Variants in PLAC1 observed in about 807,000 individuals in gnomAD.
The protein encoded by PLAC1 is placenta-specific protein 1.
For missense variants in PLAC1, 136 were observed against 163.2 expected (o/e 0.83, Z 0.91); for synonymous variants, 68 against 62.1 (o/e 1.09, Z -0.44).
Position 134,679,370 on chromosome X carries a change from A to G in PLAC1, n.174+54065T>C, listed in dbSNP as rs2078486180. Among the ~76,000 whole-genome samples the G allele has an allele frequency of 2.7e-5, 3 of 110,862 alleles. No homozygotes were observed. The South Asian group carries it at 1.2e-3, about 43-fold the overall frequency. ...GTCTAGAGCTCCACATCTGGAAGCC[A>G]TCAGCCACGGGGTTGGATGATATCA... On this transcript the variant is annotated intron_variant and non_coding_transcript_variant, in intron 2 of 2. Coordinates refer to the PLAC1 transcript ENST00000466797.
rs189445911 is a variant in PLAC1, at chrX:134,686,255, C to T, written n.174+47180G>A. Among the ~76,000 whole-genome samples the T allele has an allele frequency of 2.2e-4, 25 of 111,240 alleles. 1 individual carries two copies. Among genetic ancestry groups the T allele is most frequent in the Admixed American group, 2.1e-3 (22 of 10,473 alleles). On this transcript the variant is annotated intron_variant and non_coding_transcript_variant, in intron 2 of 2. Transcript: ENST00000466797. ...ATGCAACTAAGTGTGAGAAGAGATG[C>T]GTTTGGAATTCTCTTTCAGTTCTGT...
intron 1 of PLAC1, chrX:134,651,334 G>T: frequency 5.7e-6 from 1 of 176,429 alleles, no homozygotes; most frequent in East Asian, 1.4e-4. Context: ...TGGCACACAA[G>T]GTTGAAACTT....
At chrX:134,672,283 C>T (rs1475653684) in intron 2 of PLAC1, among the ~76,000 whole-genome samples, 2 of 111,043 alleles carry the variant, frequency 1.8e-5, no homozygotes, top group East Asian at 2.8e-4. Context: ...GGTCCCCTGA[C>T]AAATTCCAAG....
intron 2 of PLAC1, among the ~76,000 whole-genome samples, chrX:134,569,994 T>TC: frequency 9.1e-6 from 1 of 110,280 alleles, no homozygotes; most frequent in African/African-American, 3.3e-5. Flanking sequence ...CATGCCCTGC[T>TC]AATTTTTGTA....
intron 1 of PLAC1, among the ~76,000 whole-genome samples, chrX:134,637,943 G>A (rs748109830): frequency 8.9e-6 from 1 of 112,248 alleles, no homozygotes; most frequent in East Asian, 2.8e-4. Context: ...AACACAGCAG[G>A]TGCTCAATAA....
intron 2 of PLAC1, among the ~76,000 whole-genome samples, chrX:134,666,429 G>A (rs771891433): frequency 6.4e-5 from 7 of 109,904 alleles, no homozygotes; most frequent in African/African-American, 1.3e-4. Flanking sequence ...TTTTTCCTTC[G>A]AGAAAAAAAA....
intron 1 of PLAC1, among the ~76,000 whole-genome samples, chrX:134,751,753 G>A (rs1030871150): frequency 1.8e-5 from 2 of 111,247 alleles, no homozygotes; most frequent in African/African-American, 3.3e-5. Flanking sequence ...GCAAAAGCCC[G>A]GTCCTCTGCT....
intron 2 of PLAC1, among the ~76,000 whole-genome samples, chrX:134,719,065 G>C (rs2078650746): frequency 8.9e-6 from 1 of 112,162 alleles, no homozygotes; most frequent in South Asian, 3.7e-4. Context: ...ACAGGAAGCA[G>C]ATTAGTGGTT....
At chrX:134,734,511 G>A (rs1470727581) in intron 1 of PLAC1, among the ~76,000 whole-genome samples, 2 of 112,055 alleles carry the variant, frequency 1.8e-5, no homozygotes, top group African/African-American at 6.5e-5. Flanking sequence ...GGCATACAGG[G>A]GCCTTATTCA....
chrX:134,583,533 C>G (rs986092016), intron 2 of PLAC1, among the ~76,000 whole-genome samples: 1 of 109,182 alleles, frequency 9.2e-6, no homozygotes, highest in Non-Finnish European at 1.9e-5. Context: ...TGGGTAAGTC[C>G]CTTCCCTCTC....
intron 2 of PLAC1, among the ~76,000 whole-genome samples, chrX:134,690,827 A>T (rs2078533654): frequency 9.7e-6 from 1 of 103,194 alleles, no homozygotes; most frequent in Non-Finnish European, 2.0e-5. Context: ...CTTTAGTCCC[A>T]GCTATTCAGG....
rs185900552 is a variant in PLAC1 at position 134,733,966 on chromosome X, T to C, written n.90-447A>G. Among the ~76,000 whole-genome samples, 18 of 111,894 alleles carry C rather than the reference T, an allele frequency of 1.6e-4. No individual in the cohort carries two copies. The East Asian group carries it at 5.1e-3, about 31-fold the overall frequency. ...ACCCTGTCTGTTTAGTGGCCTCACC[T>C]CTGGGGAATAAATCTCTTGTCTTCA... is the stretch of plus-strand genomic sequence containing the variant. On this transcript the variant is annotated intron_variant and non_coding_transcript_variant, in intron 1 of 2. Transcript: ENST00000466797.
chrX:134,711,737 A>C (rs2147834050), intron 2 of PLAC1, among the ~76,000 whole-genome samples: 1 of 111,809 alleles, frequency 8.9e-6, no homozygotes, highest in African/African-American at 3.2e-5. Flanking sequence ...GTACATCTGC[A>C]TGTCAGCAGC....
intron 2 of PLAC1, among the ~76,000 whole-genome samples, chrX:134,667,096 C>T (rs760035414): frequency 5.4e-5 from 6 of 111,972 alleles, no homozygotes; most frequent in Admixed American, 9.5e-5. Context: ...AATAAACATA[C>T]GTGTAAATCT....
At chrX:134,704,581 T>C (rs1480139628) in intron 2 of PLAC1, among the ~76,000 whole-genome samples, 1 of 105,046 alleles carries the variant, frequency 9.5e-6, no homozygotes, top group African/African-American at 3.4e-5. Context: ...AATCTAAGCA[T>C]AACAGAAATC....
intron 2 of PLAC1, among the ~76,000 whole-genome samples, chrX:134,726,113 T>A (rs1297510407): frequency 8.9e-6 from 1 of 111,977 alleles, no homozygotes; most frequent in African/African-American, 3.2e-5. Flanking sequence ...AAGCTATTTT[T>A]CCGTCTTAGA....
chrX:134,655,033 A>T (rs1245685558), intron 1 of PLAC1, among the ~76,000 whole-genome samples: 1 of 111,881 alleles, frequency 8.9e-6, no homozygotes, highest in Non-Finnish European at 1.9e-5. Context: ...TTACAAACAC[A>T]TACATAGGCT....
At chrX:134,619,517 G>A (rs111733583) in intron 1 of PLAC1, among the ~76,000 whole-genome samples, 1,582 of 110,231 alleles carry the variant, frequency 0.014, 28 homozygotes, top group African/African-American at 0.048. Flanking sequence ...CAGGCATGGT[G>A]GCATGCGCCT....
At chrX:134,741,702 GA>G (rs60020281) in intron 1 of PLAC1, among the ~76,000 whole-genome samples, 7,745 of 70,526 alleles carry the variant, frequency 0.11, 540 homozygotes, top group African/African-American at 0.24. Flanking sequence ...CTCTGTCTTG[GA>G]AAAAAAAAAA....
Sources: allele counts gnomAD v4.1 joint callset (sites outside exome capture counted in the v4.1 genomes callset), GRCh38; gene constraint gnomAD v4.1.1; transcripts MANE v1.5; gene names NCBI Gene and HGNC (gene_info 2026-07-23, HGNC 2026-07-21).